The following LRP6 variants were observed in gnomAD, a reference collection of about 807,000 sequenced individuals.
LRP6 encodes LDL receptor related protein 6.
In LRP6, 43 loss-of-function variants were observed where a neutral mutation model predicts 184.1. The ratio of observed to expected loss-of-function variants is 0.23; its 90% confidence interval spans 0.18 to 0.30. The LOEUF (loss-of-function observed/expected upper bound fraction) is 0.30. LRP6 is among the 10% of genes least tolerant of loss of function. The pLI, the probability that LRP6 is intolerant of heterozygous loss-of-function variation, is 1.00. For synonymous variants in LRP6, 719 were observed against 684.9 expected, an observed-to-expected ratio of 1.05 and a Z score of -0.78; for missense variants, 1,571 against 2,005.3, an observed-to-expected ratio of 0.78 and a Z score of 4.14.
intron 16 of LRP6, among the ~76,000 whole-genome samples, 171 bp downstream of exon 16, chr12:12,138,154 G>A (rs566027087): frequency 1.9e-4 from 29 of 151,396 alleles, no homozygotes; most frequent in Middle Eastern, 3.5e-3. Context: ...CTGGGCGACA[G>A]AGTGAGACTC....
chr12:12,261,297 A>G (rs1361940922), intron 1 of LRP6, among the ~76,000 whole-genome samples: 1 of 151,576 alleles, frequency 6.6e-6, no homozygotes, highest in Non-Finnish European at 1.5e-5. Context: ...GCGGGCGCCT[A>G]TAGGCTGAGG....
In LRP6 at chr12:12,135,256, A is replaced by T; in HGVS notation, c.3652T>A (p.Cys1218Ser). The T allele has an allele frequency of 6.2e-7, 1 of 1,613,928 alleles. No individual in the cohort carries two copies. The highest frequency in any genetic ancestry group is 8.5e-7 in the Non-Finnish European group (1 of 1,179,968). The change falls in exon 17 of 23, where the codon TGT becomes AGT. Residue 1218 changes from cysteine to serine, a missense_variant. Physicochemically the swap from Cys to Ser is moderately radical, Grantham distance 112. Transcript: ENST00000261349. ...GTAGTACCATCCCCCTTTACAAGAC[A>T]AATATGTGAACAGCCACCATTATCC... is the stretch of plus-strand genomic sequence containing the variant. ...AQDNGGCSHI[C>S]LVKGDGTTRC...
intron 2 of LRP6, among the ~76,000 whole-genome samples, chr12:12,236,181 G>C (rs993077253): frequency 6.6e-6 from 1 of 151,510 alleles, no homozygotes; most frequent in Non-Finnish European, 1.5e-5. Flanking sequence ...GAGCCAAGAT[G>C]GCGCCACTGC....
intron 2 of LRP6, among the ~76,000 whole-genome samples, chr12:12,211,607 G>T (rs1356623164): frequency 6.6e-6 from 1 of 152,148 alleles, no homozygotes; most frequent in East Asian, 1.9e-4. Flanking sequence ...CCTCAATAGG[G>T]ATAATAATTC....
At chr12:12,121,459 AC>A in intron 22 of LRP6, 39 bp from the exon 23 acceptor site, 1 of 1,597,156 alleles carries the variant, frequency 6.3e-7, no homozygotes, top group Non-Finnish European at 8.6e-7. Context: ...AGTTAGTTTT[AC>A]AAAAAAAAAT....
intron 2 of LRP6, 53 bp from the exon 3 acceptor site, chr12:12,203,453 AC>A: frequency 7.2e-7 from 1 of 1,394,584 alleles, no homozygotes. Flanking sequence ...TCAATCAAAT[AC>A]TCTGTAATTA....
At position 12,244,452 on chromosome 12, in the gene LRP6, G is replaced by C. The variant is rs753303745; in HGVS notation, c.259C>G (p.Gln87Glu). Residue 87 changes from glutamine to glutamate, a missense_variant, in exon 2 of 23, where the codon CAG (glutamine) becomes GAG (glutamate). Physicochemically the swap from Gln to Glu is conservative, Grantham distance 29. Transcript: ENST00000261349. ...AATAATCCAGAAACAACAACATTCT[G>C]CACACTCTCAGTTTTGTTAAATTCT... ...RTEFNKTESV[Q>E]NVVVSGLLSP... The C allele has an allele frequency of 1.9e-6, 3 of 1,614,114 alleles. No homozygotes were observed. The Admixed American group carries it at 5.0e-5, about 27-fold the overall frequency.
chr12:12,152,748 T>C (rs1480106107), intron 12 of LRP6, among the ~76,000 whole-genome samples: 1 of 152,212 alleles, frequency 6.6e-6, no homozygotes, highest in African/African-American at 2.4e-5. Flanking sequence ...ATATAAAACA[T>C]AAATAGCCAA....
chr12:12,202,323 A>G (rs1863934399), intron 3 of LRP6, among the ~76,000 whole-genome samples: 1 of 152,214 alleles, frequency 6.6e-6, no homozygotes, highest in Non-Finnish European at 1.5e-5. Context: ...CCGGTGAATC[A>G]CTTGGAGCTC....
At chr12:12,130,477 C>T (rs1213516610) in intron 19 of LRP6, among the ~76,000 whole-genome samples, 8 of 152,308 alleles carry the variant, frequency 5.3e-5, no homozygotes, top group Non-Finnish European at 8.8e-5. Flanking sequence ...TGAGCCACCA[C>T]GCCCGGCTGA....
At chr12:12,192,322 CA>C (rs1863638989) in intron 3 of LRP6, among the ~76,000 whole-genome samples, 1 of 150,482 alleles carries the variant, frequency 6.6e-6, no homozygotes, top group Non-Finnish European at 1.5e-5. Flanking sequence ...ATCAAAATGA[CA>C]CACCAGAAAA....
At chr12:12,199,973 A>G (rs1395177518) in intron 3 of LRP6, among the ~76,000 whole-genome samples, 2 of 144,674 alleles carry the variant, frequency 1.4e-5, no homozygotes, top group Non-Finnish European at 3.0e-5. Flanking sequence ...TCAAAAAAAA[A>G]AAAAAAAAAA....
rs7316553 is a variant in LRP6 at position 12,203,523 on chromosome 12, C to T, written c.450-123G>A. 2,509 of 775,026 alleles carry T rather than the reference C, an allele frequency of 3.2e-3. 49 individuals carry two copies. In the African/African-American group the frequency reaches 0.039, roughly 12 times the overall value. The allele number at this position is 775,026 out of a possible 1,614,324, so 48.0% of individuals were successfully genotyped here. A position where few individuals can be genotyped will look rare whatever the true frequency, so the allele number is the denominator to read the frequency against. ...GGCTCACACTTGTAATCCCAGCACT[C>T]TGGGAGGCTGAGGCAGGCAAATGAC... On this transcript the variant is annotated intron_variant, in intron 2 of 22. Coordinates refer to ENST00000261349, the MANE Select transcript of LRP6 (RefSeq NM_002336.3).
rs867111551 is a variant in LRP6, at chr12:12,125,372, G to A, written c.4373C>T (p.Pro1458Leu). The A allele has an allele frequency of 5.0e-6, 8 of 1,613,860 alleles. No homozygotes were observed. The Middle Eastern group carries it at 6.6e-4, about 133-fold the overall frequency. The stretch of plus-strand genomic sequence containing the variant: ...TGTAACATGGGCTCGGTCATAGGGG[G>A]GTCCACTGCTTCCCCCCATGATACT... ...SLSIMGGSSG[P>L]PYDRAHVTGA... Residue 1458 changes from proline to leucine, a missense_variant, in exon 21 of 23, where the codon CCC (proline) becomes CTC (leucine). Transcript: ENST00000261349.
intron 1 of LRP6, among the ~76,000 whole-genome samples, chr12:12,264,626 A>C (rs1865710653): frequency 6.6e-6 from 1 of 152,170 alleles, no homozygotes; most frequent in African/African-American, 2.4e-5. Context: ...AATGCAACAA[A>C]TCAATCAGAT....
At chr12:12,172,121 TCA>T (rs1037228470) in intron 7 of LRP6, among the ~76,000 whole-genome samples, 5 of 152,250 alleles carry the variant, frequency 3.3e-5, no homozygotes, top group African/African-American at 1.2e-4. Flanking sequence ...CTGTATTACC[TCA>T]GAGTGGTTTA....
chr12:12,236,505 G>A (rs975105714), intron 2 of LRP6, among the ~76,000 whole-genome samples: 35 of 152,164 alleles, frequency 2.3e-4, no homozygotes, highest in Non-Finnish European at 5.0e-4. Context: ...CCCACACCAA[G>A]CAATTCTACA....
intron 1 of LRP6, 91 bp downstream of exon 1, chr12:12,266,590 T>C (rs2098445702): frequency 3.5e-6 from 3 of 845,904 alleles, no homozygotes; most frequent in Admixed American, 2.1e-5. Flanking sequence ...CCCTTCTCCC[T>C]TCCTCCGTCC....
chr12:12,132,102 G>T, intron 17 of LRP6, 45 bp from the exon 18 acceptor site: 3 of 1,260,900 alleles, frequency 2.4e-6, no homozygotes, highest in African/African-American at 1.5e-5. Flanking sequence ...ACACAATCAT[G>T]GTCACACAGA....
Sources: allele counts gnomAD v4.1 joint callset (sites outside exome capture counted in the v4.1 genomes callset), GRCh38; gene constraint gnomAD v4.1.1; transcripts MANE v1.5; gene names NCBI Gene and HGNC (gene_info 2026-07-23, HGNC 2026-07-21).